The following PPIG variants were observed in gnomAD, a reference collection of about 807,000 sequenced individuals.
PPIG encodes the protein peptidyl-prolyl cis-trans isomerase G.
Under a neutral mutation model 87.9 loss-of-function variants are expected in PPIG, and 26 were observed. The observed-to-expected ratio is 0.30, with a 90% CI of 0.22 to 0.41. The LOEUF is 0.41. Ranked by LOEUF, PPIG falls within the 10% of genes least tolerant of loss-of-function variation. The probability of loss-of-function intolerance (pLI) is 1.00; values close to 1 mark genes in which losing one functional copy is unlikely to be tolerated. For missense variants in PPIG, 722 were observed against 879.4 expected, an observed-to-expected ratio of 0.82 and a Z score of 2.26; for synonymous variants, 308 against 276.5, an observed-to-expected ratio of 1.11 and a Z score of -1.13.
chr2:169,609,342 T>C (rs1685424683), intron 7 of PPIG, among the ~76,000 whole-genome samples: 1 of 152,000 alleles, frequency 6.6e-6, no homozygotes. Flanking sequence ...TTCAAGTAGA[T>C]GGGACTACAG....
rs1437263300 is a variant in PPIG, at chr2:169,631,825, C to T, written c.821C>T (p.Pro274Leu). Residue 274 changes from proline to leucine, a missense_variant, in exon 11 of 14, where the codon CCA becomes CTA. Around this residue, in one of 4 missense-constraint regions of PPIG, gnomAD observed 142 missense variants for 152.8 expected, o/e 0.93. Transcript: ENST00000260970. Reference protein sequence around the residue: ...LEAQPQSTVRPEEIPPIPENR... With the variant: ...LEAQPQSTVRLEEIPPIPENR... ...GCACAACCCCAGTCTACTGTCCGTCCAGAAGAGATCCCTCCTATACCTGAA... is the reference window on the plus strand; with the variant it reads ...GCACAACCCCAGTCTACTGTCCGTCTAGAAGAGATCCCTCCTATACCTGAA... The T allele has an allele frequency of 5.0e-6, 8 of 1,613,722 alleles. No individual in the cohort carries two copies. The Admixed American group carries it at 1.3e-4, about 27-fold the overall frequency.
At chr2:169,635,841 T>C (rs1336419797) in intron 12 of PPIG, among the ~76,000 whole-genome samples, 1 of 152,254 alleles carries the variant, frequency 6.6e-6, no homozygotes, top group African/African-American at 2.4e-5. Context: ...TAAGTTTCTC[T>C]GCCTCATTGA....
Position 169,620,683 on chromosome 2 carries a change from A to G in PPIG, c.547+5959A>G, listed in dbSNP as rs567503985. ...CCAACATGTTTGAGAAACTTCTTTT[A>G]TTTAGACGAGACCATTTGATGCTGA... On this transcript the variant is annotated intron_variant, in intron 9 of 13. Transcript: ENST00000260970. Among the ~76,000 whole-genome samples, 3 of 152,270 alleles carry G rather than the reference A, an allele frequency of 2.0e-5. No individual in the cohort carries two copies. The East Asian group carries it at 5.8e-4, about 29-fold the overall frequency.
At chr2:169,618,348 C>T (rs1429210401) in intron 9 of PPIG, among the ~76,000 whole-genome samples, 1 of 152,138 alleles carries the variant, frequency 6.6e-6, no homozygotes, top group Non-Finnish European at 1.5e-5. Flanking sequence ...GCTTTGGTAT[C>T]AGGATGATGC....
chr2:169,630,103 C>T (rs899540277), intron 9 of PPIG, among the ~76,000 whole-genome samples: 1 of 151,198 alleles, frequency 6.6e-6, no homozygotes, highest in African/African-American at 2.4e-5. Flanking sequence ...CACCTTCTAG[C>T]TTCACTTATT....
intron 4 of PPIG, among the ~76,000 whole-genome samples, 172 bp downstream of exon 4, chr2:169,604,433 C>T (rs1412386529): frequency 1.4e-5 from 2 of 147,184 alleles, no homozygotes; most frequent in African/African-American, 5.0e-5. Flanking sequence ...GCGTCCTCAG[C>T]TGGGATACAG....
chr2:169,607,319 G>A (rs1264169628), intron 6 of PPIG, among the ~76,000 whole-genome samples, 171 bp downstream of exon 6: 1 of 152,044 alleles, frequency 6.6e-6, no homozygotes, highest in Non-Finnish European at 1.5e-5. Context: ...ATACAGATGG[G>A]TATTTTTTCT....
In PPIG at chr2:169,608,708, CTT is replaced by C; in HGVS notation, c.328_329del (p.Leu110ValfsTer45). 6.2e-7 allele frequency: 1 copy of C among 1,609,710 alleles called. No individual in the cohort carries two copies. Among genetic ancestry groups the C allele is most frequent in the Non-Finnish European group, 8.5e-7 (1 of 1,176,410 alleles). ...FAVKHNKEFL[L>X]SMANRGKDTN... is the part of the protein sequence containing the mutation. ...CTGTTAAACACAACAAAGAATTTCT[CTT>C]GTCAATGGCCAACAGAGGGAAGGAT... is the stretch of plus-strand genomic sequence containing the variant. On this transcript the variant is annotated frameshift_variant, in exon 7 of 14. Coordinates refer to ENST00000260970, the MANE Select transcript of PPIG (RefSeq NM_004792.3). LOFTEE classifies it high-confidence loss of function.
At chr2:169,614,245 T>G (rs1685559548) in intron 7 of PPIG, among the ~76,000 whole-genome samples, 1 of 152,206 alleles carries the variant, frequency 6.6e-6, no homozygotes, top group African/African-American at 2.4e-5. Context: ...TAGATATTGC[T>G]TTTATAATTA....
At chr2:169,602,710 A>C (rs1044540803) in intron 1 of PPIG, among the ~76,000 whole-genome samples, 4 of 152,228 alleles carry the variant, frequency 2.6e-5, no homozygotes, top group Admixed American at 6.5e-5. Context: ...CTAGAGCCTT[A>C]AAATCCATGC....
chr2:169,606,772 TA>T (rs1183639882), intron 5 of PPIG, among the ~76,000 whole-genome samples: 2 of 152,088 alleles, frequency 1.3e-5, no homozygotes, highest in African/African-American at 4.8e-5. Flanking sequence ...TTTACTTTTT[TA>T]TTGTAAAAAT....
rs71006008 is a variant in PPIG, at chr2:169,604,327, G to GTTTTTT, written c.136+89_136+94dup. 2.7e-4 allele frequency: 95 copies of GTTTTTT among 347,394 alleles called. 1 individual carries two copies. Among genetic ancestry groups the GTTTTTT allele is most frequent in the African/African-American group, 1.3e-3 (27 of 20,722 alleles). 21.5% of individuals were successfully genotyped at this position (347,394 alleles called of 1,614,324 possible). A position where few individuals can be genotyped will look rare whatever the true frequency, so the allele number is the denominator to read the frequency against. ...TGACTATGGCTTGCTTGCTTGCTTGGTTTTTTTTTTTTTTTTTTTTTTTTT... is the reference window on the plus strand; with the variant it reads ...TGACTATGGCTTGCTTGCTTGCTTGGTTTTTTTTTTTTTTTTTTTTTTTTTTTTTTT... On this transcript the variant is annotated intron_variant, in intron 4 of 13. Transcript: ENST00000260970.
Position 169,637,299 on chromosome 2 carries a change from A to C in PPIG, c.2041A>C (p.Lys681Gln). ...HNSSNNSREK[K>Q]ADRDQSPFSK... The stretch of plus-strand genomic sequence containing the variant: ...TAGCTCAAATAACAGCAGGGAAAAA[A>C]AGGCTGATAGAGATCAAAGTCCCTT... Residue 681 changes from lysine (K) to glutamine (Q), a missense_variant, in exon 14 of 14, where the codon AAG becomes CAG. This residue lies in a region of PPIG where 476 missense variants were observed against 483.1 expected (regional missense o/e 0.99). Coordinates refer to ENST00000260970, the MANE Select transcript of PPIG (RefSeq NM_004792.3). 1 of 1,607,762 alleles carries C rather than the reference A, an allele frequency of 6.2e-7. No individual in the cohort carries two copies. The highest frequency in any genetic ancestry group is 8.5e-7 in the Non-Finnish European group (1 of 1,178,668).
rs1271801876 is a variant in PPIG at position 169,638,789 on chromosome 2, A to T, written c.*1266A>T. On this transcript the variant is annotated 3_prime_UTR_variant, in exon 14 of 14. Coordinates refer to ENST00000260970, the MANE Select transcript of PPIG (RefSeq NM_004792.3). ...AGAGTTTTGGGTGTTGTATTTTGCC[A>T]TTTTTGTGATGTGTGGCCTTTTATT... is the stretch of plus-strand genomic sequence containing the variant. 6.6e-6 allele frequency: 1 copy of T among 151,990 alleles called. No individual in the cohort carries two copies. The highest frequency in any genetic ancestry group is 1.5e-5 in the Non-Finnish European group (1 of 67,904). 9.4% of individuals were successfully genotyped at this position (151,990 alleles called of 1,614,324 possible).
At chr2:169,594,337 A>AAAC (rs5836237) in intron 1 of PPIG, among the ~76,000 whole-genome samples, 1 of 151,084 alleles carries the variant, frequency 6.6e-6, no homozygotes, top group East Asian at 1.9e-4. Flanking sequence ...AAAAAAAAAA[A>AAAC]CGCATTTTAT....
intron 4 of PPIG, among the ~76,000 whole-genome samples, chr2:169,605,636 TAC>T (rs1685303121): frequency 2.1e-5 from 2 of 97,228 alleles, no homozygotes; most frequent in African/African-American, 3.4e-5. Context: ...ATTCAGTCTC[TAC>T]GAAAAAAAAA....
At chr2:169,618,632 T>G (rs1210657207) in intron 9 of PPIG, among the ~76,000 whole-genome samples, 1 of 152,216 alleles carries the variant, frequency 6.6e-6, no homozygotes, top group Non-Finnish European at 1.5e-5. Flanking sequence ...TTTTCTAGTG[T>G]ATTTGTGTAG....
chr2:169,620,384 T>C (rs1244433650), intron 9 of PPIG, among the ~76,000 whole-genome samples: 7 of 152,180 alleles, frequency 4.6e-5, no homozygotes, highest in Admixed American at 3.9e-4. Context: ...TTAACTGTTT[T>C]ATCCTACTTC....
chr2:169,636,776 T>G lies in PPIG; in HGVS notation c.1518T>G (p.Ser506=). 1 of 1,612,202 alleles carries G rather than the reference T, an allele frequency of 6.2e-7. No homozygotes were observed. Among genetic ancestry groups the G allele is most frequent in the Non-Finnish European group, 8.5e-7 (1 of 1,179,738 alleles). The change falls in exon 14 of 14, where the codon TCT becomes TCG. Residue 506 remains serine (S), a synonymous_variant. Transcript: ENST00000260970. ...AAGAAAAAGAAAAGCAGTCTGATTC[T>G]AAAGGAAAAGATCAGGAAAGGAGTA... The part of the protein sequence containing the change: ...NVKEKEKQSD[S]KGKDQERSRS...
Sources: gnomAD v4.1 joint callset for allele counts (sites outside exome capture counted in the v4.1 genomes callset) on GRCh38, gnomAD v4.1.1 for gene constraint, gnomAD v4.1.1 regional missense constraint, MANE v1.5 for transcripts, NCBI Gene and HGNC (gene_info 2026-07-23, HGNC 2026-07-21) for gene names.